CLDN16: variants seen among roughly 807,000 people sequenced by gnomAD.
CLDN16 encodes the protein claudin-16.
In CLDN16, 13 loss-of-function variants were observed where a neutral mutation model predicts 24.6. That is an observed-to-expected ratio of 0.53 (90% CI 0.34 to 0.84). The LOEUF (loss-of-function observed/expected upper bound fraction) is 0.84. CLDN16 is among the 40% of genes least tolerant of loss of function. The probability of loss-of-function intolerance (pLI) is 0.01; values close to 1 mark genes in which losing one functional copy is unlikely to be tolerated. For synonymous variants in CLDN16, 116 were observed against 106.7 expected (o/e 1.09, Z -0.54); for missense variants, 298 against 292.7 (o/e 1.02, Z -0.13).
chr3:190,310,436 T>TA, the CLDN16 span, among the ~76,000 whole-genome samples: 1 of 152,152 alleles, frequency 6.6e-6, no homozygotes, highest in Non-Finnish European at 1.5e-5. Flanking sequence ...TATTAAAATA[T>TA]AAAAAAATAC....
At chr3:190,301,613 C>T in the CLDN16 span, among the ~76,000 whole-genome samples, 1 of 152,138 alleles carries the variant, frequency 6.6e-6, no homozygotes, top group Non-Finnish European at 1.5e-5. Flanking sequence ...TTTATGTCTG[C>T]TCCATCCTAT....
At chr3:190,304,117 C>T in the CLDN16 span, among the ~76,000 whole-genome samples, 1 of 152,154 alleles carries the variant, frequency 6.6e-6, no homozygotes, top group Admixed American at 6.5e-5. Context: ...GGTTCTGATT[C>T]CTTTGATTTG....
intron 1 of CLDN16, among the ~76,000 whole-genome samples, chr3:190,335,577 T>G (rs1280951650): frequency 6.6e-6 from 1 of 151,894 alleles, no homozygotes; most frequent in Admixed American, 6.5e-5. Flanking sequence ...TTGGGCGTGG[T>G]GGTGCATGCC....
At chr3:190,356,562 C>A (rs981206574) in intron 1 of CLDN16, among the ~76,000 whole-genome samples, 4 of 151,802 alleles carry the variant, frequency 2.6e-5, no homozygotes, top group African/African-American at 9.7e-5. Context: ...CTTCCTCAAT[C>A]TGATTTAAAA....
At chr3:190,304,369 T>C in the CLDN16 span, among the ~76,000 whole-genome samples, 34 of 152,258 alleles carry the variant, frequency 2.2e-4, no homozygotes, top group East Asian at 6.2e-3. Flanking sequence ...ACTCATCTCA[T>C]AGCTACTTTA....
the CLDN16 span, among the ~76,000 whole-genome samples, chr3:190,290,999 G>T: frequency 6.6e-6 from 1 of 152,138 alleles, no homozygotes; most frequent in East Asian, 1.9e-4. Context: ...GAGGGGCTGG[G>T]TTATGTACTA....
At position 190,371,736 on chromosome 3, in the gene CLDN16, A is replaced by G. The variant is rs562153346; in HGVS notation, n.230+735A>G. Among the ~76,000 whole-genome samples the G allele has an allele frequency of 9.9e-5, 15 of 152,134 alleles. 1 individual carries two copies. The highest frequency in any genetic ancestry group is 3.6e-4 in the African/African-American group (15 of 41,556). ...TAAATATTTGTTGAAGCAGTTCATT[A>G]ATAAATATTCTGTCCAATTCAACTG... On this transcript the variant is annotated intron_variant and non_coding_transcript_variant, in intron 2 of 4. Transcript: ENST00000468220.
chr3:190,407,195 C>T (rs1042659629), intron 3 of CLDN16, among the ~76,000 whole-genome samples: 1 of 151,918 alleles, frequency 6.6e-6, no homozygotes, highest in Admixed American at 6.6e-5. Context: ...TTGGGAAAGA[C>T]AAATATTTCT....
At chr3:190,296,724 T>C in the CLDN16 span, among the ~76,000 whole-genome samples, 9 of 152,054 alleles carry the variant, frequency 5.9e-5, no homozygotes, top group African/African-American at 1.2e-4. Flanking sequence ...TAATTTTTTG[T>C]ATTTTTAGTA....
chr3:190,405,545 T>C (rs901850508), intron 3 of CLDN16, among the ~76,000 whole-genome samples: 1 of 152,068 alleles, frequency 6.6e-6, no homozygotes, highest in African/African-American at 2.4e-5. Context: ...TGATTATTAC[T>C]GAAGTTAAAA....
chr3:190,398,364 C>T (rs1166569685), intron 1 of CLDN16, among the ~76,000 whole-genome samples: 1 of 152,234 alleles, frequency 6.6e-6, no homozygotes, highest in African/African-American at 2.4e-5. Context: ...TTCTTAGCCT[C>T]TTCCAGCTTC....
At chr3:190,370,490 T>C (rs1160491734) in intron 1 of CLDN16, among the ~76,000 whole-genome samples, 3 of 151,954 alleles carry the variant, frequency 2.0e-5, no homozygotes, top group Non-Finnish European at 4.4e-5. Context: ...GTTGTAAAAA[T>C]TTAGAGTTTC....
upstream of CLDN16, chr3:190,322,512 GC>G (rs1440815358): frequency 2.1e-5 from 8 of 383,948 alleles, no homozygotes; most frequent in Non-Finnish European, 3.8e-5. Context: ...GCCGGGGAGC[GC>G]CCCCTGGCGG....
chr3:190,409,264 G>GCA (rs1399789273), intron 4 of CLDN16, among the ~76,000 whole-genome samples: 2 of 151,486 alleles, frequency 1.3e-5, no homozygotes, highest in African/African-American at 4.9e-5. Context: ...ATGTATATAT[G>GCA]CACACATGTA....
At chr3:190,381,891 C>CT in intron 3 of CLDN16, among the ~76,000 whole-genome samples, 1 of 151,990 alleles carries the variant, frequency 6.6e-6, no homozygotes, top group East Asian at 1.9e-4. Flanking sequence ...TTTGCATAGT[C>CT]TTTTTGATTT....
chr3:190,379,648 G>C (rs1718317394), intron 3 of CLDN16, among the ~76,000 whole-genome samples: 1 of 152,176 alleles, frequency 6.6e-6, no homozygotes, highest in South Asian at 2.1e-4. Flanking sequence ...GTATTGCTGT[G>C]CATGTACAAG....
the CLDN16 span, among the ~76,000 whole-genome samples, chr3:190,303,164 G>A: frequency 1.3e-5 from 2 of 152,276 alleles, no homozygotes; most frequent in Admixed American, 6.5e-5. Context: ...TGCCCTTGCT[G>A]CATTGAAGCT....
At position 190,388,860 on chromosome 3, in the gene CLDN16, A is replaced by G. The variant is rs1718577553; in HGVS notation, c.114+417A>G. Among the ~76,000 whole-genome samples, 3 of 152,276 alleles carry G rather than the reference A, an allele frequency of 2.0e-5. No homozygotes were observed. In the South Asian group the frequency reaches 6.2e-4, roughly 32 times the overall value. ...AAGAATAGTGTGATAGACTTTTTTT[A>G]AGGAGTGTTAATAATCTAAAACGTT... On this transcript the variant is annotated intron_variant, in intron 1 of 4. Coordinates refer to ENST00000264734, the MANE Select transcript of CLDN16 (RefSeq NM_006580.4).
At chr3:190,409,069 GTAA>G (rs1202947611) in intron 4 of CLDN16, among the ~76,000 whole-genome samples, 1 of 150,922 alleles carries the variant, frequency 6.6e-6, no homozygotes, top group Non-Finnish European at 1.5e-5. Context: ...CACTAACTTG[GTAA>G]TAATGTTTGA....
Sources: allele counts gnomAD v4.1 joint callset (sites outside exome capture counted in the v4.1 genomes callset), GRCh38; gene constraint gnomAD v4.1.1; transcripts MANE v1.5; gene names NCBI Gene and HGNC (gene_info 2026-07-23, HGNC 2026-07-21).